Variants in PDE1A observed in about 807,000 individuals in gnomAD.
PDE1A encodes dual specificity calcium/calmodulin-dependent 3',5'-cyclic nucleotide phosphodiesterase 1A.
In PDE1A, 35 loss-of-function variants were observed where a neutral mutation model predicts 61.7. The ratio of observed to expected loss-of-function variants is 0.57; its 90% CI spans 0.43 to 0.75. The LOEUF (loss-of-function observed/expected upper bound fraction) is 0.75, where lower values mean the gene tolerates loss of function less well. PDE1A is among the 30% of genes least tolerant of loss of function. PDE1A has a pLI of 0.00. For missense variants in PDE1A, 597 were observed against 630.6 expected (o/e 0.95, Z 0.57); for synonymous variants, 232 against 213.2 (o/e 1.09, Z -0.77).
At chr2:182,367,298 A>C (rs927939818) in intron 1 of PDE1A, among the ~76,000 whole-genome samples, 3 of 152,066 alleles carry the variant, frequency 2.0e-5, no homozygotes, top group African/African-American at 7.2e-5. Flanking sequence ...TATGACTAGA[A>C]TCACTAGAAT....
chr2:182,678,879 C>A, the PDE1A span, among the ~76,000 whole-genome samples: 1 of 152,002 alleles, frequency 6.6e-6, no homozygotes, highest in Non-Finnish European at 1.5e-5. Flanking sequence ...TCTAATGTTT[C>A]ATTGCACAGT....
intron 2 of PDE1A, among the ~76,000 whole-genome samples, chr2:182,482,913 G>A (rs1007680338): frequency 4.6e-5 from 7 of 151,906 alleles, no homozygotes; most frequent in Admixed American, 1.3e-4. Flanking sequence ...CAGACTGCAC[G>A]CAAAGACCAG....
intron 2 of PDE1A, among the ~76,000 whole-genome samples, chr2:182,476,594 AG>A (rs1281721300): frequency 6.6e-6 from 1 of 152,016 alleles, no homozygotes; most frequent in Non-Finnish European, 1.5e-5. Context: ...TTTGCTGATT[AG>A]GACATTTACT....
chr2:182,376,283 A>T (rs1182452243), intron 1 of PDE1A, among the ~76,000 whole-genome samples: 3 of 152,170 alleles, frequency 2.0e-5, no homozygotes, highest in African/African-American at 4.8e-5. Context: ...AATGCCTTTA[A>T]CAGCACCCAA....
chr2:182,407,382 A>AT lies in PDE1A; in HGVS notation c.53+19195dup, dbSNP rs140291101. Among the ~76,000 whole-genome samples, 425 of 150,148 alleles carry AT rather than the reference A, an allele frequency of 2.8e-3. 1 individual carries two copies. Among genetic ancestry groups the AT allele is most frequent in the African/African-American group, 9.7e-3 (399 of 40,952 alleles). Reference sequence around the variant, plus strand: ...CTTTCCTTCAACATACTTTATTATTATTTTTTTTTTATTTTTTGAGATGGA... The same window carrying AT: ...CTTTCCTTCAACATACTTTATTATTATTTTTTTTTTTATTTTTTGAGATGGA... On this transcript the variant is annotated intron_variant, in intron 1 of 13. Coordinates refer to ENST00000351439, the Ensembl canonical transcript of PDE1A.
intron 1 of PDE1A, among the ~76,000 whole-genome samples, chr2:182,265,773 A>G (rs1383786971): frequency 6.6e-6 from 1 of 152,186 alleles, no homozygotes; most frequent in African/African-American, 2.4e-5. Context: ...CAAAAGGAAC[A>G]TATTCCTTAC....
the PDE1A span, among the ~76,000 whole-genome samples, chr2:182,640,025 T>C: frequency 6.6e-6 from 1 of 152,148 alleles, no homozygotes; most frequent in Admixed American, 6.6e-5. Context: ...TTAAATAATT[T>C]CTTGGGGAAA....
At chr2:182,160,847 G>T (rs190947207) in intron 13 of PDE1A, among the ~76,000 whole-genome samples, 3 of 152,246 alleles carry the variant, frequency 2.0e-5, no homozygotes, top group Non-Finnish European at 4.4e-5. Context: ...TGCCAGGAAT[G>T]GTTCTAGAGG....
At chr2:182,527,355 T>C (rs1396378875), upstream of PDE1A, among the ~76,000 whole-genome samples, 98 of 60,826 alleles carry the variant, frequency 1.6e-3, 33 homozygotes, top group South Asian at 2.6e-3. Flanking sequence ...TATATATATA[T>C]ATATATATAT....
At chr2:182,457,640 C>A (rs992133864) in intron 2 of PDE1A, among the ~76,000 whole-genome samples, 15 of 152,050 alleles carry the variant, frequency 9.9e-5, no homozygotes, top group African/African-American at 3.4e-4. Flanking sequence ...TGATGACTGG[C>A]AAACCTCAAA....
chr2:182,313,346 A>T (rs1696117092), intron 1 of PDE1A, among the ~76,000 whole-genome samples: 1 of 152,130 alleles, frequency 6.6e-6, no homozygotes, highest in Non-Finnish European at 1.5e-5. Flanking sequence ...CCCGGGAGGC[A>T]GGGGCTGCAG....
chr2:182,252,104 A>C (rs1410642631), intron 2 of PDE1A, among the ~76,000 whole-genome samples: 1 of 152,218 alleles, frequency 6.6e-6, no homozygotes, highest in East Asian at 1.9e-4. Flanking sequence ...ATATTTGTTG[A>C]ATAAATGAAT....
At chr2:182,169,974 A>G (rs1227330407) in intron 13 of PDE1A, among the ~76,000 whole-genome samples, 1 of 151,098 alleles carries the variant, frequency 6.6e-6, no homozygotes, top group East Asian at 2.0e-4. Context: ...ATACACACAC[A>G]CACACACACA....
At chr2:182,308,472 A>T (rs1695746045) in intron 1 of PDE1A, among the ~76,000 whole-genome samples, 1 of 152,106 alleles carries the variant, frequency 6.6e-6, no homozygotes, top group African/African-American at 2.4e-5. Context: ...TATAAAGCAA[A>T]TCTTGGTATA....
chr2:182,288,824 A>C (rs191197647), intron 1 of PDE1A, among the ~76,000 whole-genome samples: 8 of 152,138 alleles, frequency 5.3e-5, no homozygotes, highest in Non-Finnish European at 1.2e-4. Context: ...GTACAATCGA[A>C]TATTAGAAAT....
At chr2:182,436,303 A>G (rs1485805118) in intron 2 of PDE1A, among the ~76,000 whole-genome samples, 1 of 152,022 alleles carries the variant, frequency 6.6e-6, no homozygotes, top group Non-Finnish European at 1.5e-5. Flanking sequence ...CTTCTTTTGA[A>G]TATCAATGTA....
chr2:182,225,681 T>A (rs1366045808), intron 6 of PDE1A, among the ~76,000 whole-genome samples: 1 of 139,260 alleles, frequency 7.2e-6, no homozygotes, highest in African/African-American at 3.4e-5. Flanking sequence ...AGTTTTGGGT[T>A]AATGTATGCA....
the PDE1A span, among the ~76,000 whole-genome samples, chr2:182,631,816 T>C: frequency 6.6e-6 from 1 of 152,228 alleles, no homozygotes; most frequent in Non-Finnish European, 1.5e-5. Flanking sequence ...AGTATGATGC[T>C]AGGAAATTGT....
chr2:182,509,678 T>C (rs1689661292), intron 2 of PDE1A, among the ~76,000 whole-genome samples: 2 of 152,172 alleles, frequency 1.3e-5, no homozygotes, highest in Non-Finnish European at 2.9e-5. Flanking sequence ...TTTCAGAAAG[T>C]AACAGGCAGA....
Sources: gnomAD v4.1 joint callset for allele counts (sites outside exome capture counted in the v4.1 genomes callset) on GRCh38, gnomAD v4.1.1 for gene constraint, MANE v1.5 for transcripts, NCBI Gene and HGNC (gene_info 2026-07-23, HGNC 2026-07-21) for gene names.